CCNY: variants seen among roughly 807,000 people sequenced by gnomAD.
The protein encoded by CCNY is cyclin-Y.
A neutral mutation model predicts 42.8 loss-of-function variants in CCNY; 19 were observed. The observed-to-expected ratio is 0.44, with a 90% confidence interval of 0.31 to 0.65. The LOEUF is 0.65. CCNY is among the 30% of genes least tolerant of loss of function. The probability of loss-of-function intolerance (pLI) is 0.07; values close to 1 mark genes in which losing one functional copy is unlikely to be tolerated. For missense variants in CCNY, 370 were observed against 437.3 expected, an observed-to-expected ratio of 0.85 and a Z score of 1.37; for synonymous variants, 165 against 162.7, an observed-to-expected ratio of 1.01 and a Z score of -0.11.
At chr10:35,556,846 ATTTTTTTT>A (rs61540981) in intron 8 of CCNY, among the ~76,000 whole-genome samples, 1 of 139,464 alleles carries the variant, frequency 7.2e-6, no homozygotes, top group Non-Finnish European at 1.6e-5. Flanking sequence ...TCCTCACTAC[ATTTTTTTT>A]TTTTTTTTAA....
chr10:35,430,324 G>A (rs903922100), intron 1 of CCNY, among the ~76,000 whole-genome samples: 3 of 111,208 alleles, frequency 2.7e-5, no homozygotes, highest in African/African-American at 7.2e-5. Context: ...GCGACAGAGC[G>A]AGACTCCGTC....
intron 3 of CCNY, among the ~76,000 whole-genome samples, chr10:35,509,342 C>T (rs1840276042): frequency 6.6e-6 from 1 of 152,258 alleles, no homozygotes; most frequent in East Asian, 1.9e-4. Context: ...GTGGTGTGAT[C>T]TTGGCTCACT....
intron 5 of CCNY, among the ~76,000 whole-genome samples, chr10:35,528,616 C>T (rs1405382798): frequency 1.3e-5 from 2 of 152,056 alleles, no homozygotes; most frequent in Non-Finnish European, 2.9e-5. Flanking sequence ...GCAGCCTCTA[C>T]AAGGAGGCTG....
intron 2 of CCNY, among the ~76,000 whole-genome samples, chr10:35,496,862 TA>T (rs1484504527): frequency 6.6e-6 from 1 of 152,192 alleles, no homozygotes; most frequent in African/African-American, 2.4e-5. Flanking sequence ...CATAGCAACT[TA>T]AGTGTAATTT....
intron 3 of CCNY, among the ~76,000 whole-genome samples, chr10:35,286,655 C>CT (rs1192327536): frequency 0.021 from 2,402 of 112,126 alleles, 79 homozygotes; most frequent in African/African-American, 0.044. Context: ...CGTGCCCAGC[C>CT]TTTTTTTTTT....
chr10:35,249,418 CTG>C (rs1331549097), intron 2 of CCNY, among the ~76,000 whole-genome samples: 2 of 152,116 alleles, frequency 1.3e-5, no homozygotes, highest in African/African-American at 4.8e-5. Context: ...AAATGGAAAA[CTG>C]TGTAGATTGT....
At chr10:35,501,151 C>T (rs1163160786) in intron 2 of CCNY, among the ~76,000 whole-genome samples, 1 of 152,098 alleles carries the variant, frequency 6.6e-6, no homozygotes. Context: ...AATAAATAGT[C>T]CTATCATTTG....
intron 3 of CCNY, 134 bp downstream of exon 3, chr10:35,501,669 T>C: frequency 1.3e-6 from 1 of 775,586 alleles, no homozygotes; most frequent in Non-Finnish European, 2.2e-6. Context: ...GTACTTATGC[T>C]TAGTTTGGTT....
chr10:35,556,180 GCT>G (rs1841359087), intron 8 of CCNY, among the ~76,000 whole-genome samples: 3 of 152,164 alleles, frequency 2.0e-5, no homozygotes, highest in Non-Finnish European at 4.4e-5. Flanking sequence ...CATGCCTGTA[GCT>G]GGGCAAAGGA....
At chr10:35,532,818 T>G (rs1840796647) in intron 7 of CCNY, among the ~76,000 whole-genome samples, 1 of 152,220 alleles carries the variant, frequency 6.6e-6, no homozygotes, top group Non-Finnish European at 1.5e-5. Flanking sequence ...GGCACCCACT[T>G]TAGTCCTATG....
At chr10:35,406,686 C>A in intron 1 of CCNY, among the ~76,000 whole-genome samples, 2 of 152,352 alleles carry the variant, frequency 1.3e-5, no homozygotes, top group South Asian at 4.1e-4. Context: ...ACCTTTCCCC[C>A]CTTTCTATTC....
At chr10:35,457,033 G>A (rs1158489727) in intron 1 of CCNY, among the ~76,000 whole-genome samples, 1 of 152,114 alleles carries the variant, frequency 6.6e-6, no homozygotes, top group Non-Finnish European at 1.5e-5. Context: ...AATGCGGGGG[G>A]GAAACTACCT....
intron 3 of CCNY, among the ~76,000 whole-genome samples, chr10:35,302,733 C>G (rs189616305): frequency 6.6e-6 from 1 of 152,238 alleles, no homozygotes; most frequent in Non-Finnish European, 1.5e-5. Context: ...ACATCATAGC[C>G]ACTGAGAACA....
intron 3 of CCNY, among the ~76,000 whole-genome samples, chr10:35,315,578 A>G (rs1043640228): frequency 6.6e-6 from 1 of 152,230 alleles, no homozygotes; most frequent in African/African-American, 2.4e-5. Flanking sequence ...GAACAATCAC[A>G]TGCATGTGTC....
rs147046743 is a variant in CCNY, at chr10:35,553,174, G to A, written c.735G>A (p.Thr245=). ...VDYCQILKDI[T]VEDMNELERQ... ...ACTGCCAGATCCTGAAAGACATCAC[G>A]GTGGAGGACATGTGAGTTGGGGGGC... is the stretch of plus-strand genomic sequence containing the variant. Residue 245 remains threonine (T), a synonymous_variant, in exon 8 of 10, where the codon ACG becomes ACA. Transcript: ENST00000374704. The A allele has an allele frequency of 1.9e-4, 302 of 1,614,120 alleles. No homozygotes were observed. Among genetic ancestry groups the A allele is most frequent in the Non-Finnish European group, 1.8e-4 (208 of 1,179,956 alleles).
At chr10:35,453,238 T>G (rs559756237) in intron 1 of CCNY, among the ~76,000 whole-genome samples, 1 of 152,352 alleles carries the variant, frequency 6.6e-6, no homozygotes, top group East Asian at 1.9e-4. Context: ...TGGCTAGTCC[T>G]GTATATAAAA....
chr10:35,437,121 C>T (rs140185445), intron 1 of CCNY, among the ~76,000 whole-genome samples: 31 of 152,312 alleles, frequency 2.0e-4, no homozygotes, highest in African/African-American at 7.2e-4. Context: ...ACCACCCCCA[C>T]GATTCAGTTA....
At position 35,440,919 on chromosome 10, in the gene CCNY, ACAT is replaced by A. The variant is rs144656156; in HGVS notation, c.155-42481_155-42479del. Among the ~76,000 whole-genome samples, 1,067 of 152,296 alleles carry A rather than the reference ACAT, an allele frequency of 7.0e-3. 10 individuals carry two copies. Among genetic ancestry groups the A allele is most frequent in the African/African-American group, 0.024 (1,018 of 41,554 alleles). On this transcript the variant is annotated intron_variant, in intron 1 of 9. Coordinates refer to ENST00000374704, the MANE Select transcript of CCNY (RefSeq NM_145012.6). ...GCTATTTTAAGACATCTCTTTTCACACATCATTTTGTTTTAACAAGTGTACCTG... is the reference window on the plus strand; with the variant it reads ...GCTATTTTAAGACATCTCTTTTCACACATTTTGTTTTAACAAGTGTACCTG...
intron 1 of CCNY, among the ~76,000 whole-genome samples, chr10:35,427,914 T>C (rs529268924): frequency 1.3e-5 from 2 of 152,270 alleles, no homozygotes; most frequent in Non-Finnish European, 2.9e-5. Flanking sequence ...GTGGTGGCTC[T>C]TGGTGGGTGC....
Sources: allele counts gnomAD v4.1 joint callset (sites outside exome capture counted in the v4.1 genomes callset), GRCh38; gene constraint gnomAD v4.1.1; transcripts MANE v1.5; gene names NCBI Gene and HGNC (gene_info 2026-07-23, HGNC 2026-07-21).